The following TNFRSF8 variants were observed in gnomAD, a reference collection of about 807,000 sequenced individuals.
TNFRSF8 encodes the protein tumor necrosis factor receptor superfamily member 8.
A neutral mutation model predicts 70.8 loss-of-function variants in TNFRSF8; 26 were observed. That is an observed-to-expected ratio of 0.37 (90% CI 0.27 to 0.51). The LOEUF (loss-of-function observed/expected upper bound fraction) is 0.51. Ranked by LOEUF, TNFRSF8 falls within the 20% of genes least tolerant of loss-of-function variation. The probability of loss-of-function intolerance (pLI) is 0.94; values close to 1 mark genes in which losing one functional copy is unlikely to be tolerated. For synonymous variants in TNFRSF8, 356 were observed against 339.2 expected (o/e 1.05, Z -0.54); for missense variants, 720 against 807.9 (o/e 0.89, Z 1.32).
intron 1 of TNFRSF8, among the ~76,000 whole-genome samples, chr1:12,072,621 T>A (rs1640866757): frequency 6.6e-6 from 1 of 152,084 alleles, no homozygotes; most frequent in South Asian, 2.1e-4. Context: ...ACCCAGCAGG[T>A]TCCCCTTGGG....
intron 3 of TNFRSF8, among the ~76,000 whole-genome samples, chr1:12,099,563 G>C (rs984108096): frequency 2.6e-5 from 4 of 152,028 alleles, no homozygotes; most frequent in Non-Finnish European, 4.4e-5. Context: ...GGCTGCACTT[G>C]CATGTTACTG....
chr1:12,079,545 G>C (rs1173188402), intron 1 of TNFRSF8, among the ~76,000 whole-genome samples: 1 of 152,222 alleles, frequency 6.6e-6, no homozygotes, highest in Non-Finnish European at 1.5e-5. Context: ...AGACTTCTCC[G>C]GGCAGCGGCA....
At chr1:12,090,845 C>T (rs1446554449) in intron 2 of TNFRSF8, among the ~76,000 whole-genome samples, 3 of 152,118 alleles carry the variant, frequency 2.0e-5, no homozygotes, top group Non-Finnish European at 2.9e-5. Context: ...GAGTCATGCC[C>T]GTATCCCCCA....
chr1:12,107,993 C>T (rs1641556486), intron 4 of TNFRSF8, among the ~76,000 whole-genome samples: 1 of 152,022 alleles, frequency 6.6e-6, no homozygotes, highest in South Asian at 2.1e-4. Flanking sequence ...TCCACCATGC[C>T]ACAGAACACG....
At chr1:12,082,609 A>G in intron 1 of TNFRSF8, among the ~76,000 whole-genome samples, 1 of 152,042 alleles carries the variant, frequency 6.6e-6, no homozygotes, top group African/African-American at 2.4e-5. Context: ...ACAAAACAAA[A>G]ACCACGCCTT....
At chr1:12,128,994 C>G (rs570860103) in intron 12 of TNFRSF8, among the ~76,000 whole-genome samples, 1 of 152,178 alleles carries the variant, frequency 6.6e-6, no homozygotes, top group African/African-American at 2.4e-5. Context: ...GCCACCATGC[C>G]TGGCTAATTT....
intron 1 of TNFRSF8, among the ~76,000 whole-genome samples, chr1:12,083,970 G>A (rs1641108893): frequency 6.6e-6 from 1 of 152,150 alleles, no homozygotes; most frequent in African/African-American, 2.4e-5. Context: ...GGGCTGGCAA[G>A]GTCCCATTTG....
Position 12,138,554 on chromosome 1 carries a change from A to G in TNFRSF8, c.1543+118A>G, listed in dbSNP as rs11569938. On this transcript the variant is annotated intron_variant, in intron 14 of 14. Coordinates refer to ENST00000263932, the MANE Select transcript of TNFRSF8 (RefSeq NM_001243.5). The surrounding 1 kb of genome is among the most constrained non-coding windows in gnomAD (Gnocchi z 5.7). ...CTGGAGTTGAAAGGCCCAGGAAAGG[A>G]GAGGCATAGATTCTTCACCCCAATT... 3,119 of 1,028,884 alleles carry G rather than the reference A, an allele frequency of 3.0e-3. 62 individuals carry two copies. The African/African-American group carries it at 0.045, about 15-fold the overall frequency. 63.7% of individuals were successfully genotyped at this position (1,028,884 alleles called of 1,614,324 possible).
intron 1 of TNFRSF8, among the ~76,000 whole-genome samples, chr1:12,073,219 C>T (rs768354528): frequency 2.0e-5 from 3 of 152,132 alleles, no homozygotes; most frequent in Non-Finnish European, 4.4e-5. Flanking sequence ...TGTTCATGAT[C>T]GCAGGACTGC....
At chr1:12,105,169 G>T (rs1035477804) in intron 4 of TNFRSF8, among the ~76,000 whole-genome samples, 1 of 152,120 alleles carries the variant, frequency 6.6e-6, no homozygotes, top group Non-Finnish European at 1.5e-5. Flanking sequence ...AGTGGCTGCC[G>T]CAGTTGCAGA....
Position 12,088,061 on chromosome 1 carries a change from G to A in TNFRSF8, c.151+3510G>A, listed in dbSNP as rs1641185574. 6.6e-6 allele frequency among the ~76,000 whole-genome samples: 1 copy of A among 152,196 alleles called. No homozygotes were observed. Among genetic ancestry groups the A allele is most frequent in the African/African-American group, 2.4e-5 (1 of 41,448 alleles). On this transcript the variant is annotated intron_variant, in intron 2 of 14. Coordinates refer to ENST00000263932, the MANE Select transcript of TNFRSF8 (RefSeq NM_001243.5). The surrounding 1 kb of genome is among the most constrained non-coding windows in gnomAD (Gnocchi z 4.0). ...GCCTGCCCTGTGCAGCCAGCACTCA[G>A]CTGTGTGGCCGGGTTTGCTTGTGGG... is the stretch of plus-strand genomic sequence containing the variant.
At chr1:12,094,761 G>A (rs886704168) in intron 2 of TNFRSF8, among the ~76,000 whole-genome samples, 1 of 151,912 alleles carries the variant, frequency 6.6e-6, no homozygotes, top group Non-Finnish European at 1.5e-5. Flanking sequence ...GAGTAGCTGG[G>A]ATTACAGGAG....
intron 7 of TNFRSF8, among the ~76,000 whole-genome samples, chr1:12,114,665 T>C (rs1641693839): frequency 6.7e-6 from 1 of 149,796 alleles, no homozygotes; most frequent in South Asian, 2.1e-4. Context: ...TCTAACATGG[T>C]TTTTTTTTGC....
At position 12,113,592 on chromosome 1, in the gene TNFRSF8, GGAGAGAGAGAGTGA is replaced by G. The variant is rs1318113733; in HGVS notation, c.793+1587_793+1600del. On this transcript the variant is annotated intron_variant, in intron 7 of 14. Transcript: ENST00000263932. This position sits in a 1 kb window ranked among gnomAD's most constrained non-coding sequence, Gnocchi z 4.9. ...CAGAGAGAAAGAGACAGAATGAGAG[GGAGAGAGAGAGTGA>G]GAGAGAGACAGAAAGAGGGAGAGAG... Among the ~76,000 whole-genome samples, 22 of 1,752 alleles carry G rather than the reference GGAGAGAGAGAGTGA, an allele frequency of 0.013. No homozygotes were observed. The highest frequency in any genetic ancestry group is 0.058 in the East Asian group (3 of 52). The allele number at this position is 1,752 out of a possible 152,430, so 1.1% of individuals were successfully genotyped here. A position where few individuals can be genotyped will look rare whatever the true frequency, so the allele number is the denominator to read the frequency against.
At position 12,119,570 on chromosome 1, in the gene TNFRSF8, A is replaced by G. The variant is rs78182555; in HGVS notation, c.947-3714A>G. Among the ~76,000 whole-genome samples, 1 of 125,062 alleles carries G rather than the reference A, an allele frequency of 8.0e-6. No individual in the cohort carries two copies. Among genetic ancestry groups the G allele is most frequent in the Non-Finnish European group, 1.7e-5 (1 of 57,586 alleles). The allele number at this position is 125,062 out of a possible 152,430, so 82.0% of individuals were successfully genotyped here. A position where few individuals can be genotyped will look rare whatever the true frequency, so the allele number is the denominator to read the frequency against. ...TGTGAATATTCTTTTTTTTTTTTTA[A>G]CATGTATGAATTTATCTTATATCTT... On this transcript the variant is annotated intron_variant, in intron 8 of 14. Transcript: ENST00000263932. This position sits in a 1 kb window ranked among gnomAD's most constrained non-coding sequence, Gnocchi z 4.4.
rs138885996 is a variant in TNFRSF8 at position 12,105,308 on chromosome 1, G to A, written c.421+777G>A. 3.2e-3 allele frequency among the ~76,000 whole-genome samples: 486 copies of A among 152,238 alleles called. 2 individuals are homozygous for A. The highest frequency in any genetic ancestry group is 0.011 in the African/African-American group (461 of 41,544). ...CTTCTCTGGAGTCCCATGCCCTGTT[G>A]TGCAAACCTGGGGATTGGCAGTCAC... On this transcript the variant is annotated intron_variant, in intron 4 of 14. Transcript: ENST00000263932.
At position 12,134,302 on chromosome 1, in the gene TNFRSF8, A is replaced by C. The variant is rs939981510; in HGVS notation, c.1310-1286A>C. On this transcript the variant is annotated intron_variant, in intron 12 of 14. Coordinates refer to ENST00000263932, the MANE Select transcript of TNFRSF8 (RefSeq NM_001243.5). ...TGTGTGCCTGACAACAGCATATTCCAGATCTCCGTAGGTAGCGTTCTCAGG... is the reference window on the plus strand; with the variant it reads ...TGTGTGCCTGACAACAGCATATTCCCGATCTCCGTAGGTAGCGTTCTCAGG... Among the ~76,000 whole-genome samples, 6 of 152,176 alleles carry C rather than the reference A, an allele frequency of 3.9e-5. 1 individual carries two copies. In the East Asian group the frequency reaches 9.6e-4, roughly 24 times the overall value.
chr1:12,073,954 G>A (rs112923940), intron 1 of TNFRSF8, among the ~76,000 whole-genome samples: 140 of 151,868 alleles, frequency 9.2e-4, no homozygotes, highest in African/African-American at 3.1e-3. Flanking sequence ...GCCCGGGAAC[G>A]TACTTCAGGG....
At position 12,110,165 on chromosome 1, in the gene TNFRSF8, G is replaced by A. The variant is rs764180242; in HGVS notation, c.637G>A (p.Asp213Asn). 8.7e-6 allele frequency: 14 copies of A among 1,610,810 alleles called. No homozygotes were observed. Among genetic ancestry groups the A allele is most frequent in the Middle Eastern group, 3.3e-4 (2 of 6,058 alleles). ...TGCTTCTAAACTGACGAGGGCTCCCGACTCTCCCTCCTCTGTGGGAAGGCC... is the reference window on the plus strand; with the variant it reads ...TGCTTCTAAACTGACGAGGGCTCCCAACTCTCCCTCCTCTGTGGGAAGGCC... ...EAASKLTRAP[D>N]SPSSVGRPSS... is the part of the protein sequence containing the mutation. Residue 213 changes from aspartate (D) to asparagine (N), a missense_variant, in exon 6 of 15, where the codon GAC (aspartate) becomes AAC (asparagine). By Grantham distance (23) the Asp-to-Asn change is conservative. Transcript: ENST00000263932. This position sits in a 1 kb window ranked among gnomAD's most constrained non-coding sequence, Gnocchi z 4.0.
Sources: gnomAD v4.1 joint callset for allele counts (sites outside exome capture counted in the v4.1 genomes callset) on GRCh38, gnomAD v4.1.1 for gene constraint, Gnocchi (gnomAD v3.1) non-coding constraint, MANE v1.5 for transcripts, NCBI Gene and HGNC (gene_info 2026-07-23, HGNC 2026-07-21) for gene names.